RTN1: variants seen among roughly 807,000 people sequenced by gnomAD.
RTN1 encodes reticulon 1, also known as reticulon-1.
In RTN1, 25 loss-of-function variants were observed where a neutral mutation model predicts 65.5. The observed-to-expected ratio is 0.38, with a 90% CI of 0.28 to 0.53. The LOEUF (loss-of-function observed/expected upper bound fraction) is 0.53, where lower values mean the gene tolerates loss of function less well. Among genes scored for constraint, RTN1 ranks in the 20% least tolerant of loss-of-function variants. The pLI, the probability that RTN1 is intolerant of heterozygous loss-of-function variation, is 0.79. For missense variants in RTN1, 983 were observed against 1,025.4 expected, an observed-to-expected ratio of 0.96 and a Z score of 0.57; for synonymous variants, 471 against 447.6, an observed-to-expected ratio of 1.05 and a Z score of -0.66.
intron 1 of RTN1, among the ~76,000 whole-genome samples, chr14:59,805,635 G>A (rs1297154631): frequency 6.6e-6 from 1 of 152,114 alleles, no homozygotes; most frequent in Non-Finnish European, 1.5e-5. Context: ...CATAAACCTT[G>A]ATTGTTCCAC....
In RTN1 at chr14:59,749,300, ATATATATCTATATATATATCTATATATC is replaced by A. The variant is rs1885328984; in HGVS notation, c.242-2847_242-2820del. Among the ~76,000 whole-genome samples, 6 of 62,242 alleles carry A rather than the reference ATATATATCTATATATATATCTATATATC, an allele frequency of 9.6e-5. 2 individuals carry two copies. Among genetic ancestry groups the A allele is most frequent in the African/African-American group, 2.2e-4 (2 of 8,968 alleles). 40.8% of individuals were successfully genotyped at this position (62,242 alleles called of 152,430 possible). On this transcript the variant is annotated intron_variant, in intron 1 of 8. Coordinates refer to ENST00000267484, the MANE Select transcript of RTN1 (RefSeq NM_021136.3). ...TATCTATATATATCTATATATATCT[ATATATATCTATATATATATCTATATATC>A]TATATATATCTATATATATCTATAT...
intron 3 of RTN1, among the ~76,000 whole-genome samples, chr14:59,656,135 T>C (rs895081626): frequency 6.6e-6 from 1 of 152,132 alleles, no homozygotes; most frequent in Non-Finnish European, 1.5e-5. Flanking sequence ...ACAGGTTGCA[T>C]GTTGTATGAT....
Position 59,714,837 on chromosome 14 carries a change from G to A in RTN1, c.1765+12082C>T, listed in dbSNP as rs149207044. ...TGGTCCGTGGTCTGTTAGGAACTGG[G>A]CCACACAGCAGGAGGGGAGCGGCAG... On this transcript the variant is annotated intron_variant, in intron 3 of 8. Transcript: ENST00000267484. Among the ~76,000 whole-genome samples, 271 of 152,336 alleles carry A rather than the reference G, an allele frequency of 1.8e-3. 7 individuals are homozygous for A. The East Asian group carries it at 0.031, about 17-fold the overall frequency.
chr14:59,636,785 A>C (rs1882675198), intron 3 of RTN1, among the ~76,000 whole-genome samples: 1 of 152,226 alleles, frequency 6.6e-6, no homozygotes, highest in Admixed American at 6.5e-5. Flanking sequence ...TTTACACTAT[A>C]CTGTAGTCTA....
At chr14:59,673,033 TTCTC>T (rs1883544694) in intron 3 of RTN1, among the ~76,000 whole-genome samples, 1 of 152,262 alleles carries the variant, frequency 6.6e-6, no homozygotes, top group South Asian at 2.1e-4. Flanking sequence ...GGTTTCCTGT[TTCTC>T]TCTTTTTCAA....
chr14:59,611,059 G>A (rs1056094924), intron 3 of RTN1, among the ~76,000 whole-genome samples: 2 of 152,218 alleles, frequency 1.3e-5, no homozygotes, highest in African/African-American at 4.8e-5. Context: ...AATGCTCAGA[G>A]AGACTGATTT....
chr14:59,841,741 A>T (rs1002518244), intron 1 of RTN1, among the ~76,000 whole-genome samples: 1 of 151,546 alleles, frequency 6.6e-6, no homozygotes, highest in Non-Finnish European at 1.5e-5. Context: ...CAGACTCTAG[A>T]AGACTGTTGA....
Position 59,596,736 on chromosome 14 carries a change from G to C in RTN1, c.*9C>G, listed in dbSNP as rs763794741. On this transcript the variant is annotated 3_prime_UTR_variant, in exon 9 of 9. Transcript: ENST00000267484. ...CCTGTTTGTGTCCAGTCCCCGGTGG[G>C]AAATCAGTTTACTCAGCATGCCTCT... The C allele has an allele frequency of 5.0e-6, 8 of 1,606,292 alleles. No homozygotes were observed. The highest frequency in any genetic ancestry group is 1.1e-5 in the South Asian group (1 of 90,912).
intron 1 of RTN1, among the ~76,000 whole-genome samples, chr14:59,821,253 A>G (rs1489335769): frequency 6.6e-6 from 1 of 151,890 alleles, no homozygotes; most frequent in Non-Finnish European, 1.5e-5. Context: ...ATTCCTAGGT[A>G]TTTTATTCCT....
At chr14:59,741,628 A>G (rs1021841011) in intron 2 of RTN1, among the ~76,000 whole-genome samples, 2 of 152,108 alleles carry the variant, frequency 1.3e-5, no homozygotes, top group African/African-American at 2.4e-5. Flanking sequence ...AAACCCTCCA[A>G]TGGCTTCCAA....
intron 1 of RTN1, among the ~76,000 whole-genome samples, chr14:59,789,703 T>C (rs1244643317): frequency 1.3e-5 from 2 of 152,078 alleles, no homozygotes; most frequent in Non-Finnish European, 2.9e-5. Flanking sequence ...CTACATCTAA[T>C]GCTTACCTTA....
intron 3 of RTN1, among the ~76,000 whole-genome samples, chr14:59,658,475 T>C (rs1292976613): frequency 6.6e-6 from 1 of 152,152 alleles, no homozygotes; most frequent in Non-Finnish European, 1.5e-5. Context: ...AGACACCTCA[T>C]ACAGGAAAGC....
chr14:59,607,731 T>G, intron 3 of RTN1: 1 of 526,106 alleles, frequency 1.9e-6, no homozygotes, highest in Non-Finnish European at 3.4e-6. Context: ...AAAAGACTAT[T>G]GAATCTCCAT....
intron 1 of RTN1, among the ~76,000 whole-genome samples, chr14:59,770,110 G>A (rs1885924915): frequency 6.6e-6 from 1 of 152,068 alleles, no homozygotes; most frequent in Non-Finnish European, 1.5e-5. Flanking sequence ...AGGCGTGGTG[G>A]CTCATGCCTG....
chr14:59,789,502 T>C (rs1886309853), intron 1 of RTN1, among the ~76,000 whole-genome samples: 1 of 152,182 alleles, frequency 6.6e-6, no homozygotes, highest in Non-Finnish European at 1.5e-5. Context: ...TTAATTATAA[T>C]GAATACTTTG....
chr14:59,710,045 CTTT>C (rs11353177), intron 3 of RTN1, among the ~76,000 whole-genome samples: 2 of 110,764 alleles, frequency 1.8e-5, no homozygotes, highest in Admixed American at 1.0e-4. Flanking sequence ...CTCTTTCTTT[CTTT>C]TTTTTTTTTT....
intron 3 of RTN1, among the ~76,000 whole-genome samples, chr14:59,649,434 T>G (rs1432671630): frequency 6.6e-6 from 1 of 152,180 alleles, no homozygotes; most frequent in African/African-American, 2.4e-5. Context: ...GAAGGGCTTC[T>G]TCACAGCAAA....
chr14:59,750,997 C>T (rs538016587), intron 1 of RTN1, among the ~76,000 whole-genome samples: 1 of 111,578 alleles, frequency 9.0e-6, no homozygotes, highest in East Asian at 2.4e-4. Context: ...GGATTACCGG[C>T]ATTGAGTCAC....
At chr14:59,669,947 G>C (rs80109199) in intron 3 of RTN1, among the ~76,000 whole-genome samples, 220 of 152,114 alleles carry the variant, frequency 1.4e-3, no homozygotes, top group Non-Finnish European at 1.8e-3. Flanking sequence ...CCATTTTTTT[G>C]CTCATTTCTC....
Sources: gnomAD v4.1 joint callset for allele counts (sites outside exome capture counted in the v4.1 genomes callset) on GRCh38, gnomAD v4.1.1 for gene constraint, MANE v1.5 for transcripts, NCBI Gene and HGNC (gene_info 2026-07-23, HGNC 2026-07-21) for gene names.